The following CCDC146 variants were observed in gnomAD, a reference collection of about 807,000 sequenced individuals.
CCDC146 encodes the protein coiled-coil domain containing 146, also known as coiled-coil domain-containing protein 146.
Under a neutral mutation model 119.3 loss-of-function variants are expected in CCDC146, and 92 were observed. The observed-to-expected ratio is 0.77, with a 90% confidence interval of 0.65 to 0.92. CCDC146 has a LOEUF of 0.92. Among genes scored for constraint, CCDC146 ranks in the 40% least tolerant of loss-of-function variants. The pLI is 0.00. For missense variants in CCDC146, 1,000 were observed against 1,103.0 expected (o/e 0.91, Z 1.32); for synonymous variants, 372 against 371.8 (o/e 1.00, Z -0.01).
At chr7:77,228,121 C>T (rs1182637043) in intron 2 of CCDC146, among the ~76,000 whole-genome samples, 2 of 152,176 alleles carry the variant, frequency 1.3e-5, no homozygotes, top group African/African-American at 4.8e-5. Flanking sequence ...TAGGAGTGCT[C>T]ATTGTTGTTA....
chr7:77,284,075 A>G (rs1321282233), intron 15 of CCDC146, among the ~76,000 whole-genome samples: 1 of 152,158 alleles, frequency 6.6e-6, no homozygotes, highest in African/African-American at 2.4e-5. Flanking sequence ...CTGCACACAC[A>G]GTGCCTGTGC....
At chr7:77,171,925 T>G (rs2117496049) in intron 2 of CCDC146, among the ~76,000 whole-genome samples, 1 of 152,366 alleles carries the variant, frequency 6.6e-6, no homozygotes, top group Admixed American at 6.5e-5. Flanking sequence ...AACAATTTAA[T>G]AAATATTTCA....
At chr7:77,261,100 CAT>C (rs1317419891) in intron 8 of CCDC146, among the ~76,000 whole-genome samples, 2 of 151,314 alleles carry the variant, frequency 1.3e-5, no homozygotes, top group African/African-American at 2.4e-5. Context: ...TGAGAATAGT[CAT>C]GTGTGTATAT....
At chr7:77,139,229 G>A (rs1790900322) in intron 1 of CCDC146, among the ~76,000 whole-genome samples, 1 of 152,192 alleles carries the variant, frequency 6.6e-6, no homozygotes, top group Middle Eastern at 3.2e-3. Flanking sequence ...AAACTTAAGT[G>A]CATATTACTA....
At chr7:77,281,177 G>T (rs1262327257) in intron 14 of CCDC146, among the ~76,000 whole-genome samples, 1 of 151,952 alleles carries the variant, frequency 6.6e-6, no homozygotes, top group Admixed American at 6.6e-5. Context: ...AAAGAGGAGG[G>T]GTTTGGGAAA....
At chr7:77,130,551 T>A (rs1331001662) in intron 1 of CCDC146, among the ~76,000 whole-genome samples, 1 of 151,934 alleles carries the variant, frequency 6.6e-6, no homozygotes, top group Non-Finnish European at 1.5e-5. Context: ...TTTAGAAGAT[T>A]TTAACAGGAC....
At chr7:77,156,355 A>C (rs929443300) in intron 1 of CCDC146, among the ~76,000 whole-genome samples, 2 of 152,108 alleles carry the variant, frequency 1.3e-5, no homozygotes, top group African/African-American at 4.8e-5. Context: ...TATTTACTGC[A>C]AGAGTTTTCA....
rs1205939720 is a variant in CCDC146 at position 77,163,353 on chromosome 7, C to T, written c.-11-4305C>T. Among the ~76,000 whole-genome samples the T allele has an allele frequency of 5.3e-5, 8 of 151,856 alleles. No individual in the cohort carries two copies. The East Asian group carries it at 1.5e-3, about 29-fold the overall frequency. On this transcript the variant is annotated intron_variant, in intron 1 of 18. Coordinates refer to ENST00000285871, the MANE Select transcript of CCDC146 (RefSeq NM_020879.3). ...ATCCCAGCTACTCTGGAGGCTGAGG[C>T]AGGAGGATCACTTGAACCTGGGAGG...
At chr7:77,293,299 C>T in intron 18 of CCDC146, 99 bp downstream of exon 18, 1 of 1,252,532 alleles carries the variant, frequency 8.0e-7, no homozygotes, top group Non-Finnish European at 1.1e-6. Context: ...AATTTCCCCA[C>T]TCTACCACAC....
intron 2 of CCDC146, chr7:77,194,910 A>G (rs1353467797): frequency 2.6e-5 from 4 of 152,172 alleles, no homozygotes; most frequent in African/African-American, 7.2e-5. Flanking sequence ...TAAAAATTAC[A>G]GATACTTCTG....
In CCDC146 at chr7:77,261,686, C is replaced by T. The variant is rs1793302274; in HGVS notation, c.987-435C>T. ...TAGAGACGGGGTTTCACCGTGTTAG[C>T]CAGGATGGTCTCGATCTCCTGACCT... On this transcript the variant is annotated intron_variant, in intron 8 of 18. Transcript: ENST00000285871. 2.6e-5 allele frequency among the ~76,000 whole-genome samples: 4 copies of T among 152,140 alleles called. No individual in the cohort carries two copies. The South Asian group carries it at 8.3e-4, about 32-fold the overall frequency.
intron 4 of CCDC146, among the ~76,000 whole-genome samples, chr7:77,252,211 T>C (rs528953638): frequency 3.0e-4 from 46 of 152,168 alleles, no homozygotes; most frequent in Non-Finnish European, 5.6e-4. Flanking sequence ...ATATCTAATT[T>C]ATGTCACTGG....
intron 2 of CCDC146, among the ~76,000 whole-genome samples, chr7:77,212,890 C>T (rs1467548033): frequency 6.7e-6 from 1 of 149,212 alleles, no homozygotes; most frequent in Non-Finnish European, 1.5e-5. Context: ...AATAGTAAGC[C>T]TGTATTTCCA....
chr7:77,180,292 AC>A, intron 2 of CCDC146, among the ~76,000 whole-genome samples: 1 of 151,946 alleles, frequency 6.6e-6, no homozygotes. Flanking sequence ...ACACACACAC[AC>A]ACCCCATATT....
chr7:77,203,681 G>A (rs889047255), intron 2 of CCDC146, among the ~76,000 whole-genome samples: 7 of 152,104 alleles, frequency 4.6e-5, no homozygotes, highest in Admixed American at 4.6e-4. Flanking sequence ...ATTCTCTCAT[G>A]CTGAGTCTAC....
chr7:77,294,035 A>G (rs1009620448), intron 18 of CCDC146, among the ~76,000 whole-genome samples: 2 of 152,214 alleles, frequency 1.3e-5, no homozygotes, highest in African/African-American at 4.8e-5. Flanking sequence ...GCCATTTATT[A>G]GAGGGCTTTT....
At chr7:77,259,345 A>C (rs1431327629) in intron 7 of CCDC146, 1 of 326,174 alleles carries the variant, frequency 3.1e-6, no homozygotes, top group Non-Finnish European at 5.7e-6. Flanking sequence ...ACTTTAACAG[A>C]GCGGTGCATG....
At chr7:77,159,502 C>T (rs1000679779) in intron 1 of CCDC146, among the ~76,000 whole-genome samples, 4 of 152,070 alleles carry the variant, frequency 2.6e-5, no homozygotes, top group South Asian at 2.1e-4. Context: ...CCATTGTATA[C>T]ATATATCGCA....
intron 1 of CCDC146, among the ~76,000 whole-genome samples, chr7:77,126,496 C>T (rs538625647): frequency 6.6e-6 from 1 of 152,062 alleles, no homozygotes; most frequent in Admixed American, 6.5e-5. Flanking sequence ...TAGCTCCTCT[C>T]TGTAGGAAGA....
Sources: gnomAD v4.1 joint callset for allele counts (sites outside exome capture counted in the v4.1 genomes callset) on GRCh38, gnomAD v4.1.1 for gene constraint, MANE v1.5 for transcripts, NCBI Gene and HGNC (gene_info 2026-07-23, HGNC 2026-07-21) for gene names.